Variants in SCML4 observed in about 807,000 individuals in gnomAD.
SCML4 encodes Scm polycomb group protein like 4.
In SCML4, 34 loss-of-function variants were observed where a neutral mutation model predicts 41.1. The ratio of observed to expected loss-of-function variants is 0.83; its 90% CI spans 0.63 to 1.10. SCML4 has a LOEUF of 1.10. Among genes scored for constraint, SCML4 ranks in the 50% least tolerant of loss-of-function variants. The probability of loss-of-function intolerance (pLI) is 0.00; values close to 1 mark genes in which losing one functional copy is unlikely to be tolerated. For missense variants in SCML4, 522 were observed against 534.1 expected, an observed-to-expected ratio of 0.98 and a Z score of 0.22; for synonymous variants, 214 against 220.9, an observed-to-expected ratio of 0.97 and a Z score of 0.28.
In SCML4 at chr6:107,802,955, G is replaced by A. The variant is rs538389120; in HGVS notation, c.-60+21171C>T. Among the ~76,000 whole-genome samples the A allele has an allele frequency of 6.2e-3, 948 of 151,778 alleles. 3 individuals are homozygous for A. The highest frequency in any genetic ancestry group is 0.012 in the South Asian group (59 of 4,806). ...GAGACGGGTTTTCGCTGTGTTGGCC[G>A]GGCTGGTCTCCAGCTCCTAACCGCG... On this transcript the variant is annotated intron_variant, in intron 1 of 7. Transcript: ENST00000369020.
intron 5 of SCML4, among the ~76,000 whole-genome samples, chr6:107,722,569 A>T (rs2114410541): frequency 6.6e-6 from 1 of 152,384 alleles, no homozygotes; most frequent in South Asian, 2.1e-4. Context: ...CAAAACAACA[A>T]CAACAACAAA....
chr6:107,726,296 G>A (rs1775961265), intron 5 of SCML4, among the ~76,000 whole-genome samples: 1 of 152,008 alleles, frequency 6.6e-6, no homozygotes, highest in African/African-American at 2.4e-5. Context: ...CACCTTGGGA[G>A]GCTGAGGCGG....
the SCML4 span, among the ~76,000 whole-genome samples, chr6:107,835,419 A>C: frequency 6.6e-6 from 1 of 152,138 alleles, no homozygotes; most frequent in East Asian, 1.9e-4. Flanking sequence ...GGACATTAAA[A>C]GATAAAAGAG....
chr6:107,721,125 G>T, intron 5 of SCML4, 132 bp from the exon 6 acceptor site: 1 of 1,136,534 alleles, frequency 8.8e-7, no homozygotes, highest in South Asian at 1.8e-5. Context: ...GAGGAGAAAT[G>T]AACCTCACAA....
At chr6:107,721,036 G>A in intron 5 of SCML4, 43 bp from the exon 6 acceptor site, 1 of 1,541,576 alleles carries the variant, frequency 6.5e-7, no homozygotes, top group Non-Finnish European at 8.7e-7. Context: ...TCAGAGAGCA[G>A]TTCAGGAAGC....
intron 1 of SCML4, among the ~76,000 whole-genome samples, chr6:107,788,146 C>A (rs1010242843): frequency 2.0e-5 from 3 of 152,210 alleles, no homozygotes; most frequent in Admixed American, 2.0e-4. Flanking sequence ...GATTTTGTTT[C>A]TCCACATTTG....
chr6:107,726,013 G>A (rs1562186155), intron 5 of SCML4, among the ~76,000 whole-genome samples: 1 of 150,092 alleles, frequency 6.7e-6, no homozygotes, highest in Non-Finnish European at 1.5e-5. Context: ...GGAGGCAGAG[G>A]TTGCAGTGAG....
chr6:107,737,214 A>T, intron 5 of SCML4, among the ~76,000 whole-genome samples: 1 of 152,246 alleles, frequency 6.6e-6, no homozygotes, highest in African/African-American at 2.4e-5. Context: ...GCAGAATCAA[A>T]TGCCATTGTG....
Position 107,752,582 on chromosome 6 carries a change from C to G in SCML4, c.157-2769G>C, listed in dbSNP as rs533657059. On this transcript the variant is annotated intron_variant, in intron 2 of 7. Transcript: ENST00000369020. ...AGCACCCAATGGGGTAGAAAGAAAA[C>G]TGGGAGAGGGTGGGAGTGTGGGAGT... Among the ~76,000 whole-genome samples, 24 of 152,140 alleles carry G rather than the reference C, an allele frequency of 1.6e-4. No homozygotes were observed. The South Asian group carries it at 4.6e-3, about 29-fold the overall frequency.
chr6:107,791,016 G>A (rs112538772), intron 1 of SCML4, among the ~76,000 whole-genome samples: 26,784 of 150,852 alleles, frequency 0.18, 2,924 homozygotes, highest in South Asian at 0.26. Context: ...GTTGCAGTGA[G>A]TGGACATTGC....
intron 6 of SCML4, among the ~76,000 whole-genome samples, chr6:107,715,924 G>GT (rs1161964102): frequency 5.2e-5 from 6 of 115,614 alleles, no homozygotes; most frequent in African/African-American, 1.3e-4. Context: ...AAGAGGTATG[G>GT]TTTTTTTGAT....
upstream of SCML4, among the ~76,000 whole-genome samples, chr6:107,825,359 G>C (rs1192405887): frequency 6.6e-6 from 1 of 152,194 alleles, no homozygotes; most frequent in African/African-American, 2.4e-5. Context: ...CAGTTACTGA[G>C]AGTGAAAAAA....
intron 1 of SCML4, among the ~76,000 whole-genome samples, chr6:107,795,620 C>T (rs551517461): frequency 2.4e-3 from 359 of 152,198 alleles, no homozygotes; most frequent in Non-Finnish European, 3.9e-3. Context: ...CTCCACTTCC[C>T]GGGTTCAAGT....
intron 2 of SCML4, among the ~76,000 whole-genome samples, chr6:107,751,231 T>A (rs1479927640): frequency 2.6e-5 from 4 of 152,192 alleles, no homozygotes; most frequent in African/African-American, 9.7e-5. Context: ...GGAAGGGGCA[T>A]GAGAAGTGCA....
At chr6:107,716,112 G>T (rs1672000301) in intron 6 of SCML4, among the ~76,000 whole-genome samples, 1 of 152,132 alleles carries the variant, frequency 6.6e-6, no homozygotes, top group African/African-American at 2.4e-5. Context: ...AGTCAGCATG[G>T]TTTTTATCTC....
intron 6 of SCML4, among the ~76,000 whole-genome samples, chr6:107,712,616 A>G (rs1310356001): frequency 6.6e-6 from 1 of 152,190 alleles, no homozygotes; most frequent in Non-Finnish European, 1.5e-5. Context: ...CCTTTTAGTC[A>G]TACAAGACAG....
intron 6 of SCML4, chr6:107,720,140 T>C: frequency 3.1e-6 from 3 of 976,690 alleles, no homozygotes; most frequent in Non-Finnish European, 3.6e-6. Context: ...CAAGGTCTGG[T>C]TCTCCTTTCT....
At chr6:107,738,560 G>A (rs530286870) in intron 5 of SCML4, among the ~76,000 whole-genome samples, 6 of 152,058 alleles carry the variant, frequency 3.9e-5, no homozygotes, top group African/African-American at 7.2e-5. Context: ...GGTGGAGGTC[G>A]CAGTGAGCCG....
chr6:107,759,188 G>C lies in SCML4; in HGVS notation c.157-9375C>G, dbSNP rs1779363922. 2.0e-5 allele frequency among the ~76,000 whole-genome samples: 3 copies of C among 151,400 alleles called. No individual in the cohort carries two copies. In the South Asian group the frequency reaches 6.2e-4, roughly 32 times the overall value. On this transcript the variant is annotated intron_variant, in intron 2 of 7. Transcript: ENST00000369020. The stretch of plus-strand genomic sequence containing the variant: ...AAAACAAAACAAAAAAAAACTGGCT[G>C]GGTGTGGTGGCATGCACCTTAGTCC...
Sources: allele counts gnomAD v4.1 joint callset (sites outside exome capture counted in the v4.1 genomes callset), GRCh38; gene constraint gnomAD v4.1.1; transcripts MANE v1.5; gene names NCBI Gene and HGNC (gene_info 2026-07-23, HGNC 2026-07-21).